Variants in LHFPL7 observed in about 807,000 individuals in gnomAD.
LHFPL7 encodes LHFPL tetraspan subfamily member 7.
chr22:24,935,736 C>T, the LHFPL7 span: 1 of 1,179,666 alleles, frequency 8.5e-7, no homozygotes, highest in Non-Finnish European at 1.2e-6. Context: ...ATTGGCTCAT[C>T]TCTCCTTTTG....
At chr22:24,940,521 G>A in the LHFPL7 span, among the ~76,000 whole-genome samples, 3 of 151,176 alleles carry the variant, frequency 2.0e-5, no homozygotes, top group Non-Finnish European at 4.4e-5. Flanking sequence ...GCGTGAACCC[G>A]GGAGGCGGAG....
At chr22:24,940,203 G>A in the LHFPL7 span, among the ~76,000 whole-genome samples, 4 of 150,048 alleles carry the variant, frequency 2.7e-5, no homozygotes, top group African/African-American at 7.3e-5. Flanking sequence ...TGGGATTACA[G>A]GCGTGAGCCA....
chr22:24,939,211 C>T, the LHFPL7 span: 3 of 670,930 alleles, frequency 4.5e-6, no homozygotes, highest in East Asian at 2.7e-5. Context: ...ATGGCAAATT[C>T]GAAGCCACTG....
chr22:24,945,061 G>A, the LHFPL7 span, among the ~76,000 whole-genome samples: 1,927 of 152,224 alleles, frequency 0.013, 52 homozygotes, highest in African/African-American at 0.044. Flanking sequence ...GCCCGCCTTG[G>A]CCTCCCAAAG....
chr22:24,940,519 C>A, the LHFPL7 span, among the ~76,000 whole-genome samples: 1 of 151,432 alleles, frequency 6.6e-6, no homozygotes, highest in South Asian at 2.1e-4. Flanking sequence ...TGGCGTGAAC[C>A]CGGGAGGCGG....
At chr22:24,938,021 A>C in the LHFPL7 span, 100 of 1,372,730 alleles carry the variant, frequency 7.3e-5, no homozygotes, top group African/African-American at 1.4e-3. Context: ...CAACAATCCT[A>C]GGGTTTATCT....
the LHFPL7 span, among the ~76,000 whole-genome samples, chr22:24,940,468 C>A: frequency 0.02 from 2,955 of 150,992 alleles, 93 homozygotes; most frequent in African/African-American, 0.069. Context: ...TGGGAGCGGG[C>A]GCCTGTAGTC....
At chr22:24,945,918 A>T in the LHFPL7 span, among the ~76,000 whole-genome samples, 3 of 152,260 alleles carry the variant, frequency 2.0e-5, no homozygotes, top group Non-Finnish European at 4.4e-5. Flanking sequence ...ACCTAGGACA[A>T]ATTATGTAAC....
chr22:24,946,423 C>CCCCA, the LHFPL7 span: 10 of 135,556 alleles, frequency 7.4e-5, no homozygotes, highest in African/African-American at 1.5e-4. Context: ...ACCCACCCAC[C>CCCCA]CACACACACA....
At chr22:24,938,517 A>T in the LHFPL7 span, among the ~76,000 whole-genome samples, 1 of 152,204 alleles carries the variant, frequency 6.6e-6, no homozygotes, top group Admixed American at 6.5e-5. Flanking sequence ...AAGAAAATAA[A>T]TTTTCCAATA....
At chr22:24,935,413 T>G in the LHFPL7 span, 1 of 1,614,034 alleles carries the variant, frequency 6.2e-7, no homozygotes, top group East Asian at 2.2e-5. Flanking sequence ...ACCTTGGTTG[T>G]GTGGGGCCAG....
the LHFPL7 span, chr22:24,938,070 CTCAT>C: frequency 0.013 from 19,502 of 1,494,480 alleles, 217 homozygotes; most frequent in Non-Finnish European, 0.012. Flanking sequence ...TGCTCACAGA[CTCAT>C]TCATTCATTC....
chr22:24,943,890 C>G, the LHFPL7 span, among the ~76,000 whole-genome samples: 63 of 152,256 alleles, frequency 4.1e-4, no homozygotes, highest in African/African-American at 1.4e-3. Flanking sequence ...CTTGATATGT[C>G]AAGCCAAGTC....
the LHFPL7 span, among the ~76,000 whole-genome samples, chr22:24,946,378 T>C: frequency 4.6e-5 from 7 of 151,932 alleles, no homozygotes; most frequent in African/African-American, 1.7e-4. Flanking sequence ...CACTCTCACA[T>C]AAGCAAGCAT....
the LHFPL7 span, among the ~76,000 whole-genome samples, chr22:24,937,718 A>T: frequency 1.3e-5 from 2 of 152,228 alleles, no homozygotes; most frequent in African/African-American, 4.8e-5. Flanking sequence ...TAAATTACAG[A>T]AAAGTGACCC....
At chr22:24,939,155 G>A in the LHFPL7 span, among the ~76,000 whole-genome samples, 2 of 152,198 alleles carry the variant, frequency 1.3e-5, no homozygotes, top group Non-Finnish European at 2.9e-5. Flanking sequence ...TGTTTCTGAA[G>A]GGCTGTCAGG....
the LHFPL7 span, among the ~76,000 whole-genome samples, chr22:24,936,600 C>A: frequency 2.0e-3 from 311 of 152,304 alleles, 8 homozygotes; most frequent in East Asian, 0.056. Context: ...ATCAGAAGAT[C>A]CCCTGGCCTC....
the LHFPL7 span, among the ~76,000 whole-genome samples, chr22:24,940,399 CTGG>C: frequency 6.7e-6 from 1 of 149,746 alleles, no homozygotes; most frequent in Non-Finnish European, 1.5e-5. Flanking sequence ...CGAGAACATC[CTGG>C]CTAACACGGT....
the LHFPL7 span, chr22:24,938,379 C>G: frequency 1.9e-6 from 3 of 1,603,416 alleles, no homozygotes; most frequent in Non-Finnish European, 2.6e-6. Flanking sequence ...AAGGAAGAGA[C>G]AGAAGGAAGG....
Sources: gnomAD v4.1 joint callset for allele counts (sites outside exome capture counted in the v4.1 genomes callset) on GRCh38, gnomAD v4.1.1 for gene constraint, MANE v1.5 for transcripts, NCBI Gene and HGNC (gene_info 2026-07-23, HGNC 2026-07-21) for gene names.